Variants in A2ML1 observed in about 807,000 individuals in gnomAD.
A2ML1 encodes alpha-2-macroglobulin like 1.
A2ML1 carries 161 observed loss-of-function variants against 181.9 expected under a neutral mutation model. The observed-to-expected ratio is 0.89, with a 90% CI of 0.78 to 1.01. The LOEUF is 1.01. Ranked by LOEUF, A2ML1 falls within the 50% of genes least tolerant of loss-of-function variation. The probability of loss-of-function intolerance (pLI) is 0.00; values close to 1 mark genes in which losing one functional copy is unlikely to be tolerated. For missense variants in A2ML1, 1,670 were observed against 1,768.1 expected (o/e 0.94, Z 1.00); for synonymous variants, 663 against 666.8 (o/e 0.99, Z 0.09).
At chr12:8,831,130 T>C (rs1460241840) in intron 4 of A2ML1, among the ~76,000 whole-genome samples, 5 of 151,938 alleles carry the variant, frequency 3.3e-5, no homozygotes, top group Non-Finnish European at 7.4e-5. Flanking sequence ...TTTTATTTTT[T>C]TGTAGAGTTG....
Position 8,861,176 on chromosome 12 carries a change from G to A in A2ML1, c.3381G>A (p.Ser1127=), listed in dbSNP as rs769643895. ...VSQGLRCLKN[S]ATSTTNLYTQ... is the part of the protein sequence containing the mutation. ...AGGGTCTACGGTGTCTCAAGAATTCGGCCACCTCCACGACCAACCTCTACA... is the reference window on the plus strand; with the variant it reads ...AGGGTCTACGGTGTCTCAAGAATTCAGCCACCTCCACGACCAACCTCTACA... The change falls in exon 28 of 36, where the codon TCG becomes TCA. Residue 1127 remains serine, a synonymous_variant. Coordinates refer to ENST00000299698, the MANE Select transcript of A2ML1 (RefSeq NM_144670.6). 74 of 1,613,774 alleles carry A rather than the reference G, an allele frequency of 4.6e-5. No individual in the cohort carries two copies. Among genetic ancestry groups the A allele is most frequent in the South Asian group, 8.8e-5 (8 of 91,044 alleles).
intron 35 of A2ML1, 31 bp downstream of exon 35, chr12:8,875,043 T>C (rs1428008898): frequency 1.9e-6 from 3 of 1,607,516 alleles, no homozygotes; most frequent in East Asian, 2.2e-5. Context: ...GGTGGAGTTA[T>C]GGGTTAGGGT....
At chr12:8,858,240 C>A in intron 26 of A2ML1, 138 bp downstream of exon 26, 1 of 1,050,232 alleles carries the variant, frequency 9.5e-7, no homozygotes, top group Non-Finnish European at 1.3e-6. Context: ...TGACCGTGAT[C>A]AAAATGCTTA....
chr12:8,836,853 G>C (rs746443586), intron 7 of A2ML1, among the ~76,000 whole-genome samples: 13 of 151,902 alleles, frequency 8.6e-5, no homozygotes, highest in Non-Finnish European at 1.8e-4. Context: ...TATTGATTTA[G>C]TCTTTACAAG....
intron 28 of A2ML1, 24 bp from the exon 29 acceptor site, chr12:8,863,770 C>T: frequency 6.2e-7 from 1 of 1,611,566 alleles, no homozygotes; most frequent in Non-Finnish European, 8.5e-7. Context: ...TAAGGACATC[C>T]TAGTTATGTT....
intron 29 of A2ML1, among the ~76,000 whole-genome samples, chr12:8,865,548 A>G (rs537322807): frequency 6.6e-6 from 1 of 152,182 alleles, no homozygotes; most frequent in African/African-American, 2.4e-5. Context: ...CTCAACAACA[A>G]CAACACAACA....
chr12:8,885,719 C>T (rs1286054222), intron 7 of A2ML1, among the ~76,000 whole-genome samples: 1 of 152,164 alleles, frequency 6.6e-6, no homozygotes, highest in Non-Finnish European at 1.5e-5. Flanking sequence ...CTGCCTCGGC[C>T]TCCCAAAGGG....
At chr12:8,823,990 CAGA>C (rs975299072) in intron 3 of A2ML1, 108 bp downstream of exon 3, 1 of 1,308,320 alleles carries the variant, frequency 7.6e-7, no homozygotes, top group African/African-American at 1.5e-5. Context: ...AAAAGGAGTG[CAGA>C]GGAGAGGAAA....
Position 8,843,414 on chromosome 12 carries a change from G to A in A2ML1, c.1476+53G>A. ...GAGTATGCTGGGAAGGAAAGAGAAT[G>A]AGAAGAGTCAGCCAGAGGGTGCACC... On this transcript the variant is annotated intron_variant, in intron 12 of 35. Transcript: ENST00000299698. 1.9e-6 allele frequency: 3 copies of A among 1,568,830 alleles called. No individual in the cohort carries two copies. In the South Asian group the frequency reaches 3.4e-5, roughly 18 times the overall value.
intron 9 of A2ML1, among the ~76,000 whole-genome samples, chr12:8,838,735 A>G (rs1476535262): frequency 1.3e-5 from 2 of 151,142 alleles, no homozygotes; most frequent in Non-Finnish European, 3.0e-5. Flanking sequence ...ACACGGTGAA[A>G]CCCTGTCTCT....
chr12:8,823,742 CAGA>C lies in A2ML1; in HGVS notation c.275_277del (p.Glu92del), dbSNP rs760688846. The C allele has an allele frequency of 1.7e-5, 28 of 1,613,970 alleles. No individual in the cohort carries two copies. The highest frequency in any genetic ancestry group is 1.1e-4 in the East Asian group (5 of 44,870). The stretch of plus-strand genomic sequence containing the variant: ...CAGGTACCACCTCCTGCTGGTGGCA[CAGA>C]AGAAGTGGCCACAATCCGGGTGTCG... On this transcript the variant is annotated inframe_deletion, in exon 3 of 36. Transcript: ENST00000299698.
chr12:8,836,823 A>G (rs1035788547), intron 7 of A2ML1, among the ~76,000 whole-genome samples: 4 of 151,702 alleles, frequency 2.6e-5, no homozygotes, highest in Admixed American at 1.3e-4. Flanking sequence ...GTTTTTTTCC[A>G]TTGCTCACTC....
Position 8,843,266 on chromosome 12 carries a change from C to T in A2ML1, c.1381C>T (p.Pro461Ser). Residue 461 changes from proline (P) to serine (S), a missense_variant, in exon 12 of 36, where the codon CCC becomes TCC. Transcript: ENST00000299698. ...SFLGIHRLNG[P>S]LKCGQPQEVL... ...CCTTGGCATCCACCGGCTAAACGGC[C>T]CCTTGAAATGTGGCCAGCCCCAGGA... 2 of 1,614,176 alleles carry T rather than the reference C, an allele frequency of 1.2e-6. No homozygotes were observed. Among genetic ancestry groups the T allele is most frequent in the Non-Finnish European group, 1.7e-6 (2 of 1,180,032 alleles).
At chr12:8,838,540 C>A (rs1010255195) in intron 9 of A2ML1, 90 bp downstream of exon 9, 5 of 911,078 alleles carry the variant, frequency 5.5e-6, no homozygotes, top group Admixed American at 2.5e-5. Context: ...ACAAGACCTA[C>A]CCTCTTGAGT....
At chr12:8,842,363 C>CAT (rs1565472428) in intron 11 of A2ML1, among the ~76,000 whole-genome samples, 3 of 151,310 alleles carry the variant, frequency 2.0e-5, no homozygotes, top group African/African-American at 7.3e-5. Flanking sequence ...GGACTACAGG[C>CAT]GCCTGCCACC....
Position 8,868,036 on chromosome 12 carries a change from C to T in A2ML1, c.3912C>T (p.Gly1304=), listed in dbSNP as rs1944480888. 6.2e-7 allele frequency: 1 copy of T among 1,614,210 alleles called. No homozygotes were observed. Among genetic ancestry groups the T allele is most frequent in the Non-Finnish European group, 8.5e-7 (1 of 1,180,032 alleles). The change falls in exon 30 of 36, where the codon GGC becomes GGT. Residue 1304 remains glycine, a synonymous_variant. Coordinates refer to ENST00000299698, the MANE Select transcript of A2ML1 (RefSeq NM_144670.6). ...GAATGTACACGTTGGAGGCCTCAGG[C>T]CAGGGCTGTGTCTATGTGCAGGTAA... ...VPGMYTLEAS[G]QGCVYVQTVL... is the part of the protein sequence containing the mutation.
chr12:8,837,546 T>C lies in A2ML1; in HGVS notation c.835T>C (p.Cys279Arg), dbSNP rs1360872658. 4 of 1,613,284 alleles carry C rather than the reference T, an allele frequency of 2.5e-6. No homozygotes were observed. Among genetic ancestry groups the C allele is most frequent in the Middle Eastern group, 3.3e-4 (2 of 6,076 alleles). ...GGAACGGGAACAGCTTCCTGACAAATGCAGGAACCTCTCTGGACAGGTGAG... is the reference window on the plus strand; with the variant it reads ...GGAACGGGAACAGCTTCCTGACAAACGCAGGAACCTCTCTGGACAGGTGAG... ...EVEREQLPDK[C>R]RNLSGQTDKT... Residue 279 changes from cysteine (C) to arginine (R), a missense_variant, in exon 8 of 36, where the codon TGC becomes CGC. Transcript: ENST00000299698.
chr12:8,868,712 G>A, intron 32 of A2ML1, 85 bp downstream of exon 32: 1 of 997,868 alleles, frequency 1.0e-6, no homozygotes, highest in Non-Finnish European at 1.5e-6. Flanking sequence ...TGGGCATCAT[G>A]GCGTGTATAC....
chr12:8,873,075 A>G (rs1050243445), intron 33 of A2ML1, among the ~76,000 whole-genome samples: 2 of 152,112 alleles, frequency 1.3e-5, no homozygotes, highest in Non-Finnish European at 2.9e-5. Flanking sequence ...AAGTCTTAAT[A>G]TCATTCTAAA....
Sources: allele counts gnomAD v4.1 joint callset (sites outside exome capture counted in the v4.1 genomes callset), GRCh38; gene constraint gnomAD v4.1.1; transcripts MANE v1.5; gene names NCBI Gene and HGNC (gene_info 2026-07-23, HGNC 2026-07-21).